Variants in MAN1A2 observed in about 807,000 individuals in gnomAD.
The protein encoded by MAN1A2 is mannosidase alpha class 1A member 2, also known as mannosyl-oligosaccharide 1,2-alpha-mannosidase IB.
In MAN1A2, 26 loss-of-function variants were observed where a neutral mutation model predicts 75.7. The ratio of observed to expected loss-of-function variants is 0.34; its 90% confidence interval spans 0.25 to 0.48. The LOEUF (loss-of-function observed/expected upper bound fraction) is 0.48, where lower values mean the gene tolerates loss of function less well. Ranked by LOEUF, MAN1A2 falls within the 20% of genes least tolerant of loss-of-function variation. The pLI is 0.99. For synonymous variants in MAN1A2, 247 were observed against 264.6 expected, an observed-to-expected ratio of 0.93 and a Z score of 0.65; for missense variants, 562 against 775.5, an observed-to-expected ratio of 0.72 and a Z score of 3.27.
intron 1 of MAN1A2, among the ~76,000 whole-genome samples, chr1:117,397,645 CTTTTTTTTTTTT>C (rs34594031): frequency 1.9e-5 from 2 of 105,884 alleles, no homozygotes; most frequent in South Asian, 3.1e-4. Flanking sequence ...TTATAACCCC[CTTTTTTTTTTTT>C]TTTTTTTTTG....
chr1:117,481,961 T>C (rs970827026), intron 8 of MAN1A2, among the ~76,000 whole-genome samples: 7 of 151,894 alleles, frequency 4.6e-5, no homozygotes, highest in African/African-American at 1.7e-4. Context: ...TCATCTCTTT[T>C]TACAGGATGA....
chr1:117,387,179 A>T (rs1002952293), intron 1 of MAN1A2, among the ~76,000 whole-genome samples: 1 of 151,842 alleles, frequency 6.6e-6, no homozygotes, highest in Admixed American at 6.6e-5. Flanking sequence ...CAAAACCACA[A>T]TAAGATAACC....
intron 1 of MAN1A2, among the ~76,000 whole-genome samples, chr1:117,382,776 A>G (rs1653394755): frequency 6.6e-6 from 1 of 152,096 alleles, no homozygotes; most frequent in South Asian, 2.1e-4. Context: ...CTTGGGCAGT[A>G]TGGCCATTTT....
At chr1:117,433,797 A>G (rs934610475) in intron 5 of MAN1A2, among the ~76,000 whole-genome samples, 1 of 152,200 alleles carries the variant, frequency 6.6e-6, no homozygotes, top group Non-Finnish European at 1.5e-5. Context: ...ATTTTTGGAA[A>G]TGAGATGAAC....
intron 8 of MAN1A2, among the ~76,000 whole-genome samples, chr1:117,479,603 G>A (rs1578884): frequency 0.25 from 38,005 of 151,656 alleles, 5,553 homozygotes; most frequent in East Asian, 0.47. Flanking sequence ...AACCTCACCA[G>A]CATTTTTTAT....
intron 6 of MAN1A2, among the ~76,000 whole-genome samples, chr1:117,445,880 G>GTATATA (rs771435341): frequency 0.095 from 11,949 of 125,832 alleles, 702 homozygotes; most frequent in Non-Finnish European, 0.11. Flanking sequence ...GTGTCTGTGT[G>GTATATA]TGTGTATATA....
At chr1:117,415,916 C>T (rs1333430653) in intron 4 of MAN1A2, among the ~76,000 whole-genome samples, 1 of 152,238 alleles carries the variant, frequency 6.6e-6, no homozygotes, top group African/African-American at 2.4e-5. Flanking sequence ...AGTTTACTAA[C>T]ACAGCCTCAA....
At chr1:117,390,788 T>C (rs1324024780) in intron 1 of MAN1A2, among the ~76,000 whole-genome samples, 1 of 152,058 alleles carries the variant, frequency 6.6e-6, no homozygotes, top group Non-Finnish European at 1.5e-5. Context: ...TTTTTCTTCA[T>C]ATTGGCATTT....
intron 5 of MAN1A2, 131 bp downstream of exon 5, chr1:117,420,780 T>A: frequency 1.5e-6 from 1 of 655,450 alleles, no homozygotes; most frequent in Non-Finnish European, 2.7e-6. Context: ...ACTGGTTGCT[T>A]CAGGCAGAAC....
At chr1:117,506,656 C>A (rs1216724433) in intron 12 of MAN1A2, among the ~76,000 whole-genome samples, 2 of 151,568 alleles carry the variant, frequency 1.3e-5, no homozygotes, top group African/African-American at 4.8e-5. Context: ...GAAATATTAA[C>A]AAAATGCAGA....
intron 2 of MAN1A2, among the ~76,000 whole-genome samples, chr1:117,403,498 C>T (rs565542791): frequency 3.3e-5 from 5 of 152,136 alleles, no homozygotes; most frequent in South Asian, 2.1e-4. Flanking sequence ...TTTTCAAATA[C>T]GTAATAATTC....
intron 6 of MAN1A2, 59 bp from the exon 7 acceptor site, chr1:117,460,430 A>G (rs1649780285): frequency 4.9e-6 from 6 of 1,229,312 alleles, no homozygotes; most frequent in Admixed American, 2.2e-5. Flanking sequence ...TATTCATTAA[A>G]CGAATGTTTT....
chr1:117,477,589 CCTT>C (rs1485451480), intron 8 of MAN1A2, among the ~76,000 whole-genome samples: 1 of 151,920 alleles, frequency 6.6e-6, no homozygotes, highest in African/African-American at 2.4e-5. Flanking sequence ...ATTCAACACT[CCTT>C]CAAGCTAAAA....
At chr1:117,429,861 C>T (rs1181788554) in intron 5 of MAN1A2, among the ~76,000 whole-genome samples, 2 of 75,674 alleles carry the variant, frequency 2.6e-5, no homozygotes, top group Non-Finnish European at 5.9e-5. Flanking sequence ...GGGGGGCCGA[C>T]CCCCCCACCT....
At chr1:117,446,404 C>T (rs1213897177) in intron 6 of MAN1A2, among the ~76,000 whole-genome samples, 1 of 151,954 alleles carries the variant, frequency 6.6e-6, no homozygotes, top group East Asian at 1.9e-4. Context: ...CTCTTTTCCC[C>T]CCATAAACTA....
chr1:117,436,535 T>C (rs1648855630), intron 5 of MAN1A2, among the ~76,000 whole-genome samples: 1 of 152,234 alleles, frequency 6.6e-6, no homozygotes, highest in South Asian at 2.1e-4. Context: ...GGCCTGAGCA[T>C]ATCCCTGCAC....
chr1:117,516,730 G>A (rs914205966), intron 12 of MAN1A2, among the ~76,000 whole-genome samples: 5 of 152,130 alleles, frequency 3.3e-5, no homozygotes, highest in African/African-American at 1.2e-4. Context: ...GAGTTTCCAG[G>A]ACATGATACA....
intron 5 of MAN1A2, among the ~76,000 whole-genome samples, chr1:117,425,107 G>C (rs952215335): frequency 1.6e-4 from 23 of 147,370 alleles, no homozygotes; most frequent in African/African-American, 5.8e-4. Flanking sequence ...GGAGGGGGAA[G>C]GGAGGAGAAG....
At chr1:117,442,198 A>G in intron 5 of MAN1A2, 33 bp from the exon 6 acceptor site, 3 of 1,329,684 alleles carry the variant, frequency 2.3e-6, no homozygotes, top group Non-Finnish European at 3.3e-6. Context: ...ACTAATGGCT[A>G]TAATTTATGA....
Sources: gnomAD v4.1 joint callset for allele counts (sites outside exome capture counted in the v4.1 genomes callset) on GRCh38, gnomAD v4.1.1 for gene constraint, MANE v1.5 for transcripts, NCBI Gene and HGNC (gene_info 2026-07-23, HGNC 2026-07-21) for gene names.